The following GPR176 variants were observed in gnomAD, a reference collection of about 807,000 sequenced individuals.
GPR176 encodes G-protein coupled receptor 176.
GPR176 carries 26 observed loss-of-function variants against 35.4 expected under a neutral mutation model. The ratio of observed to expected loss-of-function variants is 0.74; its 90% confidence interval spans 0.54 to 1.02. GPR176 has a LOEUF of 1.02. Among genes scored for constraint, GPR176 ranks in the 50% least tolerant of loss-of-function variants. The pLI, the probability that GPR176 is intolerant of heterozygous loss-of-function variation, is 0.00. For missense variants in GPR176, 597 were observed against 665.3 expected (o/e 0.90, Z 1.13); for synonymous variants, 278 against 271.3 (o/e 1.02, Z -0.24).
chr15:39,900,107 A>T (rs1313467028), intron 1 of GPR176, among the ~76,000 whole-genome samples: 4 of 152,160 alleles, frequency 2.6e-5, no homozygotes, highest in Non-Finnish European at 4.4e-5. Flanking sequence ...CATGTTAGTT[A>T]AATTTAGATA....
At chr15:39,810,501 A>G (rs1371530297) in intron 1 of GPR176, among the ~76,000 whole-genome samples, 1 of 152,222 alleles carries the variant, frequency 6.6e-6, no homozygotes, top group African/African-American at 2.4e-5. Context: ...TGTTAAAGAG[A>G]CTAGTAACTA....
intron 1 of GPR176, among the ~76,000 whole-genome samples, chr15:39,809,063 T>A (rs1899370469): frequency 6.6e-6 from 1 of 152,232 alleles, no homozygotes; most frequent in Non-Finnish European, 1.5e-5. Flanking sequence ...CTGAGGGGTT[T>A]TATTAGCATT....
At chr15:39,839,241 C>T (rs765525934) in intron 1 of GPR176, among the ~76,000 whole-genome samples, 6 of 152,172 alleles carry the variant, frequency 3.9e-5, no homozygotes, top group Non-Finnish European at 5.9e-5. Context: ...AACTATACTA[C>T]TAGGTTACAG....
In GPR176 at chr15:39,857,110, G is replaced by A. The variant is rs541896527; in HGVS notation, c.173-49852C>T. On this transcript the variant is annotated intron_variant, in intron 1 of 2. Coordinates refer to ENST00000561100, the MANE Select transcript of GPR176 (RefSeq NM_007223.3). ...AGCTCACATAGATGTGAAATAAGCA[G>A]CATATGCAAGTAAGCAAAGCCATGG... Among the ~76,000 whole-genome samples the A allele has an allele frequency of 6.6e-5, 10 of 152,282 alleles. No homozygotes were observed. The East Asian group carries it at 1.9e-3, about 29-fold the overall frequency.
At chr15:39,836,154 AG>A (rs1901388327) in intron 1 of GPR176, among the ~76,000 whole-genome samples, 1 of 152,170 alleles carries the variant, frequency 6.6e-6, no homozygotes, top group African/African-American at 2.4e-5. Flanking sequence ...TTCTGGAAAG[AG>A]TGGAAAGGAT....
At chr15:39,824,778 G>A (rs1157447484) in intron 1 of GPR176, among the ~76,000 whole-genome samples, 1 of 152,162 alleles carries the variant, frequency 6.6e-6, no homozygotes, top group Admixed American at 6.5e-5. Flanking sequence ...AGTTTGAGGG[G>A]AACCCAGAAA....
At chr15:39,834,895 G>A (rs931513285) in intron 1 of GPR176, among the ~76,000 whole-genome samples, 7 of 151,994 alleles carry the variant, frequency 4.6e-5, no homozygotes, top group Non-Finnish European at 4.4e-5. Context: ...ATAATTTATT[G>A]TACATTTTAA....
Position 39,825,123 on chromosome 15 carries a change from C to G in GPR176, c.173-17865G>C, listed in dbSNP as rs1900545701. The stretch of plus-strand genomic sequence containing the variant: ...TTGGGAGGCTGAGATACGAGGATCA[C>G]TTGAGACCAGGAGGCCAGGGCCTCA... On this transcript the variant is annotated intron_variant, in intron 1 of 2. Transcript: ENST00000561100. Among the ~76,000 whole-genome samples the G allele has an allele frequency of 7.2e-5, 11 of 152,300 alleles. No individual in the cohort carries two copies. The South Asian group carries it at 2.3e-3, about 32-fold the overall frequency.
chr15:39,819,579 T>C (rs1016062660), intron 1 of GPR176, among the ~76,000 whole-genome samples: 1 of 152,220 alleles, frequency 6.6e-6, no homozygotes, highest in Admixed American at 6.5e-5. Context: ...ACAAGCTGAA[T>C]GTTTACTATC....
At chr15:39,905,386 G>A (rs2033391750) in intron 1 of GPR176, among the ~76,000 whole-genome samples, 1 of 149,678 alleles carries the variant, frequency 6.7e-6, no homozygotes, top group Admixed American at 6.7e-5. Flanking sequence ...TAAGGCAGGA[G>A]GAGCACTTGA....
At chr15:39,899,087 C>A (rs192543256) in intron 1 of GPR176, among the ~76,000 whole-genome samples, 4 of 152,186 alleles carry the variant, frequency 2.6e-5, no homozygotes, top group Admixed American at 2.0e-4. Context: ...TGTGGACCAG[C>A]AGCATCAACA....
intron 1 of GPR176, among the ~76,000 whole-genome samples, chr15:39,846,816 T>C (rs4923843): frequency 0.18 from 27,353 of 151,950 alleles, 2,876 homozygotes; most frequent in Admixed American, 0.34. Flanking sequence ...AAGAAAATTA[T>C]AAAAGGAGGA....
rs532701983 is a variant in GPR176 at position 39,861,071 on chromosome 15, A to G, written c.173-53813T>C. 3.3e-5 allele frequency: 5 copies of G among 152,300 alleles called. No individual in the cohort carries two copies. In the East Asian group the frequency reaches 5.8e-4, roughly 18 times the overall value. 9.4% of individuals were successfully genotyped at this position (152,300 alleles called of 1,614,324 possible). A position where few individuals can be genotyped will look rare whatever the true frequency, so the allele number is the denominator to read the frequency against. ...CAATGTCTCACCAAGCTGATTGACT[A>G]AACAATCTAGAGTTAACAAACTCTA... On this transcript the variant is annotated intron_variant, in intron 1 of 2. Transcript: ENST00000561100.
intron 1 of GPR176, among the ~76,000 whole-genome samples, chr15:39,916,297 T>C (rs559914136): frequency 3.3e-5 from 5 of 152,354 alleles, no homozygotes; most frequent in African/African-American, 1.2e-4. Context: ...TAAATTATTT[T>C]ACTCTATTTC....
chr15:39,825,234 A>G (rs1900557753), intron 1 of GPR176, among the ~76,000 whole-genome samples: 1 of 152,154 alleles, frequency 6.6e-6, no homozygotes, highest in African/African-American at 2.4e-5. Context: ...GAAGTATAGG[A>G]AGAAAGAAAA....
intron 2 of GPR176, among the ~76,000 whole-genome samples, chr15:39,803,135 G>A (rs1566933742): frequency 6.6e-6 from 1 of 152,132 alleles, no homozygotes; most frequent in African/African-American, 2.4e-5. Context: ...AGCTCTCAGA[G>A]ATATGGTCAG....
chr15:39,881,066 C>T (rs2032456479), intron 1 of GPR176, among the ~76,000 whole-genome samples: 1 of 152,164 alleles, frequency 6.6e-6, no homozygotes, highest in Non-Finnish European at 1.5e-5. Context: ...GATCTAGTTT[C>T]TGCCCACCCC....
At chr15:39,858,903 T>A (rs968769963) in intron 1 of GPR176, among the ~76,000 whole-genome samples, 1 of 152,064 alleles carries the variant, frequency 6.6e-6, no homozygotes, top group African/African-American at 2.4e-5. Flanking sequence ...CATGCCACCA[T>A]GACCAGCTAA....
chr15:39,824,172 TG>T (rs1463733168), intron 1 of GPR176, among the ~76,000 whole-genome samples: 1 of 152,248 alleles, frequency 6.6e-6, no homozygotes, highest in Non-Finnish European at 1.5e-5. Flanking sequence ...ACATGCTGTC[TG>T]GCTCCCCTTC....
Sources: gnomAD v4.1 joint callset for allele counts (sites outside exome capture counted in the v4.1 genomes callset) on GRCh38, gnomAD v4.1.1 for gene constraint, MANE v1.5 for transcripts, NCBI Gene and HGNC (gene_info 2026-07-23, HGNC 2026-07-21) for gene names.